The following MSRA variants were observed in gnomAD, a reference collection of about 807,000 sequenced individuals.
MSRA encodes the protein mitochondrial peptide methionine sulfoxide reductase.
A neutral mutation model predicts 31.3 loss-of-function variants in MSRA; 54 were observed. The ratio of observed to expected loss-of-function variants is 1.73; its 90% CI spans 1.39 to 2.17. The LOEUF is 2.17. MSRA is among the 30% of genes most tolerant of loss of function. MSRA has a pLI of 0.00. For missense variants in MSRA, 507 were observed against 300.9 expected, an observed-to-expected ratio of 1.69 and a Z score of -5.07; for synonymous variants, 169 against 116.5, an observed-to-expected ratio of 1.45 and a Z score of -2.90.
At chr8:10,351,648 G>T (rs1804156855) in intron 5 of MSRA, among the ~76,000 whole-genome samples, 1 of 152,234 alleles carries the variant, frequency 6.6e-6, no homozygotes, top group Non-Finnish European at 1.5e-5. Flanking sequence ...GGCAGGATGG[G>T]AGATGATTAA....
chr8:10,280,330 TG>T (rs1343228074), intron 3 of MSRA, among the ~76,000 whole-genome samples: 1 of 150,752 alleles, frequency 6.6e-6, no homozygotes, highest in African/African-American at 2.4e-5. Context: ...TAACTTATTT[TG>T]TTGATATTTT....
chr8:10,391,386 G>C (rs1022635409), intron 5 of MSRA, among the ~76,000 whole-genome samples: 7 of 152,200 alleles, frequency 4.6e-5, no homozygotes, highest in Admixed American at 1.3e-4. Flanking sequence ...CCCTGGATAG[G>C]GGAGGCACTG....
At chr8:10,288,160 A>G (rs1209898393) in intron 3 of MSRA, among the ~76,000 whole-genome samples, 1 of 152,192 alleles carries the variant, frequency 6.6e-6, no homozygotes, top group South Asian at 2.1e-4. Context: ...ATTGAATCAG[A>G]CTACTGTTTT....
At chr8:10,424,087 G>C (rs1808980949) in intron 5 of MSRA, among the ~76,000 whole-genome samples, 1 of 152,258 alleles carries the variant, frequency 6.6e-6, no homozygotes, top group Non-Finnish European at 1.5e-5. Context: ...ATGTGGAGCA[G>C]CTTCTGCCTT....
intron 1 of MSRA, among the ~76,000 whole-genome samples, chr8:10,155,051 T>G (rs10090541): frequency 0.21 from 28,861 of 139,856 alleles, 3,910 homozygotes; most frequent in East Asian, 0.44. Flanking sequence ...GAGAACAAGC[T>G]TATTTTATGA....
chr8:10,278,006 AT>A (rs1275115691), intron 3 of MSRA, among the ~76,000 whole-genome samples: 1 of 152,054 alleles, frequency 6.6e-6, no homozygotes, highest in Non-Finnish European at 1.5e-5. Flanking sequence ...ACCTCTTTCC[AT>A]TTTTTCCCTT....
intron 2 of MSRA, among the ~76,000 whole-genome samples, chr8:10,220,238 A>T (rs1810373809): frequency 6.6e-6 from 1 of 152,234 alleles, no homozygotes; most frequent in Non-Finnish European, 1.5e-5. Flanking sequence ...TATTTGACCA[A>T]GACCAAGTTT....
intron 3 of MSRA, among the ~76,000 whole-genome samples, chr8:10,259,446 T>A (rs926567668): frequency 6.6e-6 from 1 of 152,168 alleles, no homozygotes; most frequent in African/African-American, 2.4e-5. Flanking sequence ...GTAAAGGACA[T>A]ACTTCCTGGT....
At chr8:10,379,516 T>G (rs866431030) in intron 5 of MSRA, among the ~76,000 whole-genome samples, 1 of 152,228 alleles carries the variant, frequency 6.6e-6, no homozygotes, top group Non-Finnish European at 1.5e-5. Context: ...GGTCATTTCC[T>G]GAGCATCCTG....
chr8:10,213,237 A>T (rs558906647), intron 2 of MSRA, among the ~76,000 whole-genome samples: 2 of 151,896 alleles, frequency 1.3e-5, no homozygotes, highest in East Asian at 3.9e-4. Context: ...TTCTACTCTC[A>T]TCTCCATGAG....
chr8:10,420,532 T>A (rs574058879), intron 5 of MSRA, among the ~76,000 whole-genome samples: 1 of 152,266 alleles, frequency 6.6e-6, no homozygotes, highest in African/African-American at 2.4e-5. Flanking sequence ...TAGTCTTAGG[T>A]GGCCTTTCCT....
chr8:10,191,619 G>A (rs940585343), intron 1 of MSRA, among the ~76,000 whole-genome samples: 20 of 152,148 alleles, frequency 1.3e-4, no homozygotes, highest in African/African-American at 4.8e-4. Flanking sequence ...AGCACACGAG[G>A]GAACAAAGTT....
chr8:10,177,242 G>A (rs1806134181), intron 1 of MSRA, among the ~76,000 whole-genome samples: 1 of 152,180 alleles, frequency 6.6e-6, no homozygotes, highest in Non-Finnish European at 1.5e-5. Context: ...ACAGACAGGT[G>A]GTGCTGATTC....
chr8:10,157,926 T>C (rs1258272015), intron 1 of MSRA, among the ~76,000 whole-genome samples: 8 of 152,166 alleles, frequency 5.3e-5, no homozygotes, highest in African/African-American at 1.2e-4. Context: ...TGGTGTCTTA[T>C]TCCATTGGGC....
At chr8:10,159,757 C>T (rs1478556196) in intron 1 of MSRA, among the ~76,000 whole-genome samples, 3 of 152,078 alleles carry the variant, frequency 2.0e-5, no homozygotes, top group African/African-American at 4.8e-5. Flanking sequence ...TCTTAACATG[C>T]TGTTTAGATT....
At chr8:10,414,558 T>A (rs908933596) in intron 5 of MSRA, among the ~76,000 whole-genome samples, 2 of 152,206 alleles carry the variant, frequency 1.3e-5, no homozygotes, top group East Asian at 1.9e-4. Flanking sequence ...GACTATTCTT[T>A]CTAGTGGCTC....
At chr8:10,191,047 G>C (rs974744605) in intron 1 of MSRA, among the ~76,000 whole-genome samples, 4 of 152,132 alleles carry the variant, frequency 2.6e-5, no homozygotes, top group African/African-American at 9.7e-5. Context: ...TAAGCATAGC[G>C]TCCCATTCTT....
intron 1 of MSRA, among the ~76,000 whole-genome samples, chr8:10,153,694 C>T (rs966373355): frequency 2.0e-5 from 3 of 152,148 alleles, no homozygotes; most frequent in Non-Finnish European, 4.4e-5. Context: ...ATGAAGTACG[C>T]TGGCTGCTCT....
chr8:10,387,819 C>T (rs892411872), intron 5 of MSRA, among the ~76,000 whole-genome samples: 3 of 152,150 alleles, frequency 2.0e-5, no homozygotes, highest in East Asian at 1.9e-4. Flanking sequence ...TTGCTTTTTT[C>T]GGGGGAAGAA....
Sources: allele counts gnomAD v4.1 joint callset (sites outside exome capture counted in the v4.1 genomes callset), GRCh38; gene constraint gnomAD v4.1.1; transcripts MANE v1.5; gene names NCBI Gene and HGNC (gene_info 2026-07-23, HGNC 2026-07-21).